FOXP2: variants seen among roughly 807,000 people sequenced by gnomAD.
FOXP2 encodes the protein forkhead box P2, also known as forkhead box protein P2.
Under a neutral mutation model 115.8 loss-of-function variants are expected in FOXP2, and 12 were observed. The ratio of observed to expected loss-of-function variants is 0.10; its 90% CI spans 0.07 to 0.17. FOXP2 has a LOEUF of 0.17. FOXP2 is among the 10% of genes least tolerant of loss of function. The pLI, the probability that FOXP2 is intolerant of heterozygous loss-of-function variation, is 1.00. For synonymous variants in FOXP2, 328 were observed against 297.7 expected (o/e 1.10, Z -1.05); for missense variants, 629 against 843.5 (o/e 0.75, Z 3.15).
At chr7:114,554,260 G>T (rs1157633786) in intron 3 of FOXP2, among the ~76,000 whole-genome samples, 1 of 152,060 alleles carries the variant, frequency 6.6e-6, no homozygotes, top group South Asian at 2.1e-4. Context: ...AGTGTGATAT[G>T]ATTTGTCTTG....
At chr7:114,490,840 A>C (rs1197594495) in intron 2 of FOXP2, among the ~76,000 whole-genome samples, 3 of 152,048 alleles carry the variant, frequency 2.0e-5, no homozygotes, top group East Asian at 3.9e-4. Flanking sequence ...TGAACTCATC[A>C]TTTTTTATGG....
At chr7:114,164,331 A>C (rs1043530133) in intron 1 of FOXP2, among the ~76,000 whole-genome samples, 1 of 151,442 alleles carries the variant, frequency 6.6e-6, no homozygotes, top group Non-Finnish European at 1.5e-5. Context: ...TTAGATGTTC[A>C]GTTCAAAACT....
At chr7:114,369,732 C>G (rs567592496) in intron 2 of FOXP2, among the ~76,000 whole-genome samples, 1 of 152,028 alleles carries the variant, frequency 6.6e-6, no homozygotes, top group Non-Finnish European at 1.5e-5. Context: ...TGTTTAAGCC[C>G]CTATCAACAG....
At chr7:114,469,317 T>C (rs1439168422) in intron 2 of FOXP2, among the ~76,000 whole-genome samples, 1 of 152,172 alleles carries the variant, frequency 6.6e-6, no homozygotes, top group Non-Finnish European at 1.5e-5. Flanking sequence ...CACCATGATA[T>C]ATGAGATTAA....
chr7:114,613,809 C>G (rs1165899320), intron 3 of FOXP2: 1 of 151,484 alleles, frequency 6.6e-6, no homozygotes, highest in Non-Finnish European at 1.5e-5. Context: ...CCACTACCAC[C>G]AGGTGGTCTC....
intron 1 of FOXP2, among the ~76,000 whole-genome samples, chr7:114,142,091 C>T (rs1036315841): frequency 1.2e-4 from 18 of 152,006 alleles, no homozygotes; most frequent in Non-Finnish European, 2.1e-4. Context: ...TGCAGGATCT[C>T]GGCTCACTGC....
At chr7:114,434,659 G>A (rs901269251) in intron 2 of FOXP2, among the ~76,000 whole-genome samples, 5 of 151,698 alleles carry the variant, frequency 3.3e-5, no homozygotes, top group African/African-American at 7.3e-5. Flanking sequence ...TCTTATAGTC[G>A]AGCAGCCTGT....
chr7:114,514,194 T>A (rs1424926943), intron 2 of FOXP2, among the ~76,000 whole-genome samples: 1 of 152,052 alleles, frequency 6.6e-6, no homozygotes, highest in Non-Finnish European at 1.5e-5. Flanking sequence ...TTCATATAGG[T>A]ATGCATTGCA....
At chr7:114,264,809 C>T (rs1795855560) in intron 1 of FOXP2, among the ~76,000 whole-genome samples, 1 of 152,120 alleles carries the variant, frequency 6.6e-6, no homozygotes, top group Non-Finnish European at 1.5e-5. Flanking sequence ...GAAGCAAGAG[C>T]AGGCCCGTCA....
chr7:114,464,464 G>A (rs6950815), intron 2 of FOXP2, among the ~76,000 whole-genome samples: 150,621 of 152,352 alleles, frequency 0.99, 74,457 homozygotes, highest in East Asian at 1. Flanking sequence ...TAGGTTGTCT[G>A]TATGAAAGTA....
rs869055954 is a variant in FOXP2, at chr7:114,642,779, AATAT to A, written c.989+187_989+190del. ...AGATTATTTATCTTATTTTATATATAATATATATATATATATATATATATATATA... is the reference window on the plus strand; with the variant it reads ...AGATTATTTATCTTATTTTATATATAATATATATATATATATATATATATA... On this transcript the variant is annotated intron_variant, in intron 7 of 16. Coordinates refer to ENST00000350908, the MANE Select transcript of FOXP2 (RefSeq NM_014491.4). Among the ~76,000 whole-genome samples, 142 of 91,168 alleles carry A rather than the reference AATAT, an allele frequency of 1.6e-3. 2 individuals are homozygous for A. Among genetic ancestry groups the A allele is most frequent in the African/African-American group, 6.4e-3 (131 of 20,610 alleles). 59.8% of individuals were successfully genotyped at this position (91,168 alleles called of 152,430 possible).
intron 10 of FOXP2, 190 bp downstream of exon 10, chr7:114,654,199 T>C: frequency 7.4e-7 from 1 of 1,349,994 alleles, no homozygotes. Context: ...ACAAAATCTA[T>C]CCAATCTACA....
intron 3 of FOXP2, among the ~76,000 whole-genome samples, chr7:114,606,635 T>C (rs1318914564): frequency 6.6e-6 from 1 of 152,172 alleles, no homozygotes; most frequent in Non-Finnish European, 1.5e-5. Context: ...AGCAACCTGA[T>C]TGGGGAAATG....
At chr7:114,561,276 A>C (rs1800745795) in intron 3 of FOXP2, 1 of 152,130 alleles carries the variant, frequency 6.6e-6, no homozygotes, top group African/African-American at 2.4e-5. Flanking sequence ...TTGCTACTAG[A>C]CTGCAGCCTT....
intron 2 of FOXP2, among the ~76,000 whole-genome samples, chr7:114,473,155 G>A (rs1351205059): frequency 3.3e-5 from 5 of 151,998 alleles, no homozygotes; most frequent in Non-Finnish European, 7.4e-5. Flanking sequence ...ATACCTATTC[G>A]ATATCTCTTC....
chr7:114,383,358 C>A (rs940977408), intron 2 of FOXP2, among the ~76,000 whole-genome samples: 2 of 152,072 alleles, frequency 1.3e-5, no homozygotes, highest in African/African-American at 4.8e-5. Flanking sequence ...AACATTGGCA[C>A]TCTTTGATTT....
At chr7:114,679,400 A>T (rs1325329677) in intron 16 of FOXP2, among the ~76,000 whole-genome samples, 1 of 152,196 alleles carries the variant, frequency 6.6e-6, no homozygotes, top group Non-Finnish European at 1.5e-5. Flanking sequence ...TTGTTTTAGT[A>T]AGTTCCCATT....
intron 3 of FOXP2, among the ~76,000 whole-genome samples, chr7:114,535,384 G>A (rs1799333331): frequency 6.6e-6 from 1 of 151,198 alleles, no homozygotes; most frequent in South Asian, 2.1e-4. Flanking sequence ...CTGTTTGGAA[G>A]GTAAATTCTG....
At chr7:114,226,289 AG>A (rs1794747353) in intron 1 of FOXP2, among the ~76,000 whole-genome samples, 1 of 152,192 alleles carries the variant, frequency 6.6e-6, no homozygotes, top group South Asian at 2.1e-4. Context: ...ATAAAACCTC[AG>A]ATCATTTGTT....
Sources: allele counts gnomAD v4.1 joint callset (sites outside exome capture counted in the v4.1 genomes callset), GRCh38; gene constraint gnomAD v4.1.1; transcripts MANE v1.5; gene names NCBI Gene and HGNC (gene_info 2026-07-23, HGNC 2026-07-21).